The following OPCML variants were observed in gnomAD, a reference collection of about 807,000 sequenced individuals.
OPCML encodes opioid binding protein/cell adhesion molecule like, also known as opioid-binding protein/cell adhesion molecule.
OPCML carries 13 observed loss-of-function variants against 37.8 expected under a neutral mutation model. That is an observed-to-expected ratio of 0.34 (90% CI 0.22 to 0.55). The LOEUF (loss-of-function observed/expected upper bound fraction) is 0.55. Ranked by LOEUF, OPCML falls within the 20% of genes least tolerant of loss-of-function variation. OPCML has a pLI of 0.91. For synonymous variants in OPCML, 176 were observed against 168.8 expected, an observed-to-expected ratio of 1.04 and a Z score of -0.33; for missense variants, 341 against 435.6, an observed-to-expected ratio of 0.78 and a Z score of 1.93.
chr11:132,456,706 G>A (rs1023532946), intron 4 of OPCML, among the ~76,000 whole-genome samples: 4 of 152,332 alleles, frequency 2.6e-5, no homozygotes, highest in East Asian at 3.9e-4. Context: ...TAGTGAACAC[G>A]TAAAGTGCAT....
intron 2 of OPCML, among the ~76,000 whole-genome samples, chr11:132,923,544 G>T (rs536207003): frequency 3.4e-4 from 51 of 152,208 alleles, no homozygotes; most frequent in Non-Finnish European, 6.5e-4. Context: ...TTTTCAGGAA[G>T]AAAGAGCAAA....
intron 2 of OPCML, among the ~76,000 whole-genome samples, chr11:132,802,637 C>T (rs993082661): frequency 6.6e-6 from 1 of 152,042 alleles, no homozygotes; most frequent in Non-Finnish European, 1.5e-5. Flanking sequence ...TTAGAAAATA[C>T]TGTACCACAG....
chr11:132,855,946 G>A (rs2659614), intron 2 of OPCML, among the ~76,000 whole-genome samples: 40,482 of 152,032 alleles, frequency 0.27, 5,740 homozygotes, highest in African/African-American at 0.35. Context: ...TTGGTGACCA[G>A]TTGGTGTGAT....
Position 133,240,141 on chromosome 11 carries a change from G to C in OPCML, c.61+292123C>G, listed in dbSNP as rs182664890. Among the ~76,000 whole-genome samples, 226 of 139,772 alleles carry C rather than the reference G, an allele frequency of 1.6e-3. 2 individuals carry two copies. The highest frequency in any genetic ancestry group is 1.5e-3 in the Non-Finnish European group (97 of 66,352). The allele number at this position is 139,772 out of a possible 152,430, so 91.7% of individuals were successfully genotyped here. A position where few individuals can be genotyped will look rare whatever the true frequency, so the allele number is the denominator to read the frequency against. On this transcript the variant is annotated intron_variant, in intron 1 of 7. Coordinates refer to ENST00000524381, the MANE Select transcript of OPCML (RefSeq NM_001012393.5). ...GCTCTGCCTTCCTCTCAAAGCCTCT[G>C]TGTTGTGTGCTTCCCTTCTGCAAAT...
At chr11:132,961,229 C>G (rs1468766772) in intron 1 of OPCML, among the ~76,000 whole-genome samples, 1 of 152,154 alleles carries the variant, frequency 6.6e-6, no homozygotes, top group African/African-American at 2.4e-5. Flanking sequence ...ATCCCAGTGT[C>G]TTTTCAGCTT....
At chr11:133,081,091 T>C (rs1340212645) in intron 1 of OPCML, among the ~76,000 whole-genome samples, 2 of 152,184 alleles carry the variant, frequency 1.3e-5, no homozygotes, top group African/African-American at 2.4e-5. Flanking sequence ...AGATAATCAA[T>C]GTAGCTATTC....
chr11:132,728,563 T>C (rs1340111243), intron 2 of OPCML, among the ~76,000 whole-genome samples: 1 of 152,168 alleles, frequency 6.6e-6, no homozygotes, highest in Non-Finnish European at 1.5e-5. Context: ...CACTTGTGAT[T>C]TGTTTGGTTT....
At chr11:132,528,135 T>C (rs927384209) in intron 4 of OPCML, among the ~76,000 whole-genome samples, 12 of 152,302 alleles carry the variant, frequency 7.9e-5, no homozygotes, top group Admixed American at 7.8e-4. Flanking sequence ...AGTATTAATA[T>C]GAATTTATCA....
At chr11:132,422,187 A>T (rs1401005939) in intron 7 of OPCML, among the ~76,000 whole-genome samples, 1 of 152,160 alleles carries the variant, frequency 6.6e-6, no homozygotes, top group East Asian at 1.9e-4. Flanking sequence ...TGAAGCCCTG[A>T]TATGCTCCAC....
intron 1 of OPCML, chr11:133,007,756 G>C (rs957482269): frequency 4.1e-6 from 4 of 985,314 alleles, no homozygotes; most frequent in Non-Finnish European, 3.6e-6. Context: ...GTGGTGAAAA[G>C]ACGCAGGCAT....
At chr11:133,505,616 A>T (rs1948013143) in intron 1 of OPCML, among the ~76,000 whole-genome samples, 1 of 151,834 alleles carries the variant, frequency 6.6e-6, no homozygotes, top group African/African-American at 2.4e-5. Context: ...TTTTCCATCT[A>T]CTCAGTTTCT....
At chr11:133,029,403 A>G (rs547354134) in intron 1 of OPCML, among the ~76,000 whole-genome samples, 1 of 152,196 alleles carries the variant, frequency 6.6e-6, no homozygotes, top group Non-Finnish European at 1.5e-5. Flanking sequence ...CGTTCAACCA[A>G]AAAGATACAC....
At chr11:132,573,575 T>C (rs1314285032) in intron 3 of OPCML, among the ~76,000 whole-genome samples, 2 of 152,142 alleles carry the variant, frequency 1.3e-5, no homozygotes, top group East Asian at 3.9e-4. Context: ...TTTCACAGAT[T>C]AAATTCCACT....
In OPCML at chr11:132,678,711, G is replaced by C. The variant is rs75048776; in HGVS notation, c.147-21392C>G. Among the ~76,000 whole-genome samples, 723 of 152,310 alleles carry C rather than the reference G, an allele frequency of 4.7e-3. 7 individuals carry two copies. Among genetic ancestry groups the C allele is most frequent in the Non-Finnish European group, 5.6e-3 (382 of 68,028 alleles). ...TACGGAAACAGAAAAACCATCAGTG[G>C]CTATTAGGGGTTGGGCGAGGGAGAG... On this transcript the variant is annotated intron_variant, in intron 2 of 7. Coordinates refer to ENST00000524381, the MANE Select transcript of OPCML (RefSeq NM_001012393.5).
intron 1 of OPCML, among the ~76,000 whole-genome samples, chr11:132,998,410 G>T (rs1946926770): frequency 6.6e-6 from 1 of 152,094 alleles, no homozygotes; most frequent in Admixed American, 6.5e-5. Flanking sequence ...GCTACTCTGG[G>T]CCTACTCATG....
intron 1 of OPCML, among the ~76,000 whole-genome samples, chr11:133,214,170 T>TA (rs1014051702): frequency 8.5e-5 from 13 of 152,124 alleles, no homozygotes; most frequent in Non-Finnish European, 1.6e-4. Flanking sequence ...ATAATAAGAT[T>TA]AAAAAAATCC....
chr11:133,414,009 T>A (rs1354179272), intron 1 of OPCML, among the ~76,000 whole-genome samples: 1 of 152,132 alleles, frequency 6.6e-6, no homozygotes, highest in Non-Finnish European at 1.5e-5. Flanking sequence ...TGAGGCTACT[T>A]CCATATGTGT....
chr11:133,458,191 C>T (rs527668444), intron 1 of OPCML, among the ~76,000 whole-genome samples: 1 of 139,694 alleles, frequency 7.2e-6, no homozygotes, highest in African/African-American at 3.0e-5. Flanking sequence ...TATATATACA[C>T]ATATATACAC....
chr11:132,936,474 A>G (rs1266513459), intron 2 of OPCML, among the ~76,000 whole-genome samples: 1 of 152,194 alleles, frequency 6.6e-6, no homozygotes, highest in East Asian at 1.9e-4. Context: ...CATCTGACAC[A>G]TAGTAAACCA....
Sources: allele counts gnomAD v4.1 joint callset (sites outside exome capture counted in the v4.1 genomes callset), GRCh38; gene constraint gnomAD v4.1.1; transcripts MANE v1.5; gene names NCBI Gene and HGNC (gene_info 2026-07-23, HGNC 2026-07-21).